The following MCF2L variants were observed in gnomAD, a reference collection of about 807,000 sequenced individuals.
MCF2L encodes the protein guanine nucleotide exchange factor DBS.
In MCF2L, 97 loss-of-function variants were observed where a neutral mutation model predicts 153.4. That is an observed-to-expected ratio of 0.63 (90% CI 0.54 to 0.75). The LOEUF is 0.75. Ranked by LOEUF, MCF2L falls within the 30% of genes least tolerant of loss-of-function variation. The pLI, the probability that MCF2L is intolerant of heterozygous loss-of-function variation, is 0.00. For missense variants in MCF2L, 1,347 were observed against 1,495.2 expected, an observed-to-expected ratio of 0.90 and a Z score of 1.64; for synonymous variants, 659 against 632.2, an observed-to-expected ratio of 1.04 and a Z score of -0.64.
chr13:112,990,493 G>A (rs773343612), intron 1 of MCF2L, among the ~76,000 whole-genome samples: 1 of 152,184 alleles, frequency 6.6e-6, no homozygotes, highest in Non-Finnish European at 1.5e-5. Context: ...GAGGCGGGGA[G>A]CAGTGGCTGG....
chr13:113,074,506 C>A lies in MCF2L; in HGVS notation c.1059C>A (p.Ser353Arg). Residue 353 changes from serine to arginine, a missense_variant, in exon 10 of 30, where the codon AGC becomes AGA. Physicochemically the swap from Ser to Arg is moderately radical, Grantham distance 110. Coordinates refer to ENST00000535094, the MANE Select transcript of MCF2L (RefSeq NM_001112732.3). The surrounding 1 kb of genome is among the most constrained non-coding windows in gnomAD (Gnocchi z 4.2). ...KIATFTDIGN[S>R]LAHVEHLLRD... ...CAACCTTCACAGACATCGGCAACAGCCTGGCGCATGTGGAGCACCTGCTGA... is the reference window on the plus strand; with the variant it reads ...CAACCTTCACAGACATCGGCAACAGACTGGCGCATGTGGAGCACCTGCTGA... The A allele has an allele frequency of 6.2e-7, 1 of 1,614,082 alleles. No homozygotes were observed. Among genetic ancestry groups the A allele is most frequent in the Non-Finnish European group, 8.5e-7 (1 of 1,180,016 alleles).
At chr13:113,061,732 CCTCCCTCTTCCCTTTCCCCTCCCTTCCCT>C (rs2031478210) in intron 5 of MCF2L, among the ~76,000 whole-genome samples, 1 of 100,714 alleles carries the variant, frequency 9.9e-6, no homozygotes, top group African/African-American at 3.8e-5. Flanking sequence ...CTTGCCCTCC[CCTCCCTCTTCCCTTTCCCCTCCCTTCCCT>C]CTCCCCCTTC....
chr13:113,094,884 C>G lies in MCF2L; in HGVS notation c.3075+249C>G, dbSNP rs2035520397. The G allele has an allele frequency of 5.1e-6, 6 of 1,174,692 alleles. No homozygotes were observed. The East Asian group carries it at 1.1e-4, about 21-fold the overall frequency. The allele number at this position is 1,174,692 out of a possible 1,614,324, so 72.8% of individuals were successfully genotyped here. On this transcript the variant is annotated intron_variant, in intron 27 of 29. Coordinates refer to ENST00000535094, the MANE Select transcript of MCF2L (RefSeq NM_001112732.3). ...TCCTAACTCTCTCTGGAAGGTCCACCTGGGCCTGGGTCTTAGGATGCAGCC... is the reference window on the plus strand; with the variant it reads ...TCCTAACTCTCTCTGGAAGGTCCACGTGGGCCTGGGTCTTAGGATGCAGCC...
chr13:113,092,190 GGTGGGCCGGGTGGGCCCT>G (rs2035276128), intron 26 of MCF2L, among the ~76,000 whole-genome samples: 1 of 152,266 alleles, frequency 6.6e-6, no homozygotes, highest in Admixed American at 6.5e-5. Context: ...TGGTGGAGAA[GGTGGGCCGGGTGGGCCCT>G]GTGGGCCAAA....
chr13:112,901,402 C>T (rs983084949), intron 1 of MCF2L, among the ~76,000 whole-genome samples: 18 of 152,300 alleles, frequency 1.2e-4, no homozygotes, highest in Admixed American at 7.2e-4. Flanking sequence ...GATTCGCCGG[C>T]GTCGGCCTCC....
chr13:112,932,923 C>T lies in MCF2L; in HGVS notation c.169+30552C>T, dbSNP rs2081477801. ...ACACACACCTGTAATCCCAGCTACC[C>T]AGGAGGCTGAGACAGGAGAATTGCT... is the stretch of plus-strand genomic sequence containing the variant. On this transcript the variant is annotated intron_variant, in intron 2 of 29. Transcript: ENST00000375608. The surrounding 1 kb of genome is among the most constrained non-coding windows in gnomAD (Gnocchi z 4.6). Among the ~76,000 whole-genome samples, 1 of 152,100 alleles carries T rather than the reference C, an allele frequency of 6.6e-6. No individual in the cohort carries two copies. Among genetic ancestry groups the T allele is most frequent in the South Asian group, 2.1e-4 (1 of 4,820 alleles).
intron 1 of MCF2L, among the ~76,000 whole-genome samples, chr13:112,981,014 A>G (rs1458002869): frequency 1.4e-5 from 2 of 147,940 alleles, no homozygotes; most frequent in Middle Eastern, 3.3e-3. Context: ...CTTCCTGTGC[A>G]CTGGGGACTC....
chr13:113,037,076 A>C (rs1307957388), intron 3 of MCF2L, among the ~76,000 whole-genome samples: 1 of 152,188 alleles, frequency 6.6e-6, no homozygotes, highest in Non-Finnish European at 1.5e-5. Flanking sequence ...CTCAGTGCAG[A>C]GAGGGGCTGG....
chr13:113,086,055 AG>A, intron 20 of MCF2L, 68 bp from the exon 21 acceptor site: 4 of 1,523,078 alleles, frequency 2.6e-6, no homozygotes, highest in Non-Finnish European at 3.5e-6. Context: ...CAAGCTCCTG[AG>A]GGGTCTGTTC....
At chr13:112,954,346 T>C (rs950474964) in intron 2 of MCF2L, among the ~76,000 whole-genome samples, 2 of 151,882 alleles carry the variant, frequency 1.3e-5, no homozygotes, top group African/African-American at 4.8e-5. Context: ...GGCTGGAAAG[T>C]GGCCGAGGCA....
chr13:113,081,758 G>A (rs1195894918), intron 16 of MCF2L, among the ~76,000 whole-genome samples: 2 of 152,246 alleles, frequency 1.3e-5, no homozygotes, highest in Non-Finnish European at 2.9e-5. Flanking sequence ...GATCACCTGA[G>A]TGTAGACAGC....
chr13:112,897,102 T>C (rs1318175339), intron 1 of MCF2L, among the ~76,000 whole-genome samples: 1 of 152,090 alleles, frequency 6.6e-6, no homozygotes, highest in East Asian at 1.9e-4. Context: ...AGTGGCACTT[T>C]GAGAATTTCA....
intron 3 of MCF2L, among the ~76,000 whole-genome samples, chr13:113,039,852 A>G (rs949487913): frequency 6.6e-6 from 1 of 152,220 alleles, no homozygotes; most frequent in Non-Finnish European, 1.5e-5. Context: ...GCAGGTGTAC[A>G]TTTGTCCACA....
intron 3 of MCF2L, chr13:113,026,929 C>G: frequency 1.3e-6 from 1 of 772,640 alleles, no homozygotes; most frequent in Non-Finnish European, 2.4e-6. Context: ...AGGGGTGCCG[C>G]GGGGGTCTCT....
At chr13:112,920,968 C>A (rs2081346431) in intron 2 of MCF2L, among the ~76,000 whole-genome samples, 1 of 151,404 alleles carries the variant, frequency 6.6e-6, no homozygotes, top group African/African-American at 2.4e-5. Flanking sequence ...GAGATTGAGA[C>A]CATCCTGGCT....
At chr13:113,041,328 T>C (rs1278570684) in intron 3 of MCF2L, among the ~76,000 whole-genome samples, 1 of 152,188 alleles carries the variant, frequency 6.6e-6, no homozygotes, top group Non-Finnish European at 1.5e-5. Context: ...TCCTCACTCC[T>C]GTGAGCAGAT....
chr13:112,909,012 CCG>C (rs2081201843), intron 2 of MCF2L, among the ~76,000 whole-genome samples: 2 of 152,200 alleles, frequency 1.3e-5, no homozygotes, highest in South Asian at 4.1e-4. Flanking sequence ...GTGTTAGCCA[CCG>C]CGCCCCGCCC....
At chr13:112,955,306 C>G (rs1436645749) in intron 2 of MCF2L, among the ~76,000 whole-genome samples, 1 of 152,184 alleles carries the variant, frequency 6.6e-6, no homozygotes, top group Admixed American at 6.5e-5. Context: ...TAGGCAGTAG[C>G]CAGAGGCTCC....
chr13:112,984,085 G>T (rs929210958), intron 1 of MCF2L, among the ~76,000 whole-genome samples: 6 of 152,208 alleles, frequency 3.9e-5, no homozygotes, highest in African/African-American at 1.4e-4. Flanking sequence ...TGGCATGGTG[G>T]CAGAGATACC....
Sources: gnomAD v4.1 joint callset for allele counts (sites outside exome capture counted in the v4.1 genomes callset) on GRCh38, gnomAD v4.1.1 for gene constraint, Gnocchi (gnomAD v3.1) non-coding constraint, MANE v1.5 for transcripts, NCBI Gene and HGNC (gene_info 2026-07-23, HGNC 2026-07-21) for gene names.